Variants in LTBP1 observed in about 807,000 individuals in gnomAD.
The protein encoded by LTBP1 is latent transforming growth factor beta binding protein 1, also known as latent-transforming growth factor beta-binding protein 1.
In LTBP1, 129 loss-of-function variants were observed where a neutral mutation model predicts 207.6. The ratio of observed to expected loss-of-function variants is 0.62; its 90% CI spans 0.54 to 0.72. The LOEUF (loss-of-function observed/expected upper bound fraction) is 0.72, where lower values mean the gene tolerates loss of function less well. Ranked by LOEUF, LTBP1 falls within the 30% of genes least tolerant of loss-of-function variation. The probability of loss-of-function intolerance (pLI) is 0.00; values close to 1 mark genes in which losing one functional copy is unlikely to be tolerated. For synonymous variants in LTBP1, 963 were observed against 833.7 expected (o/e 1.16, Z -2.67); for missense variants, 2,281 against 2,217.2 (o/e 1.03, Z -0.58).
intron 7 of LTBP1, among the ~76,000 whole-genome samples, chr2:33,207,186 T>C (rs2089948213): frequency 6.6e-6 from 1 of 152,208 alleles, no homozygotes; most frequent in South Asian, 2.1e-4. Context: ...ATAAGTTTCA[T>C]GCTTAAGAGG....
intron 31 of LTBP1, among the ~76,000 whole-genome samples, chr2:33,366,443 G>T (rs1391933890): frequency 6.6e-6 from 1 of 152,212 alleles, no homozygotes; most frequent in Admixed American, 6.5e-5. Flanking sequence ...TAGCTTTGCA[G>T]CTTAGAAATA....
At chr2:33,326,713 C>T (rs570516375) in intron 24 of LTBP1, among the ~76,000 whole-genome samples, 37 of 149,560 alleles carry the variant, frequency 2.5e-4, no homozygotes, top group African/African-American at 9.0e-4. Flanking sequence ...GGCTGGAGTG[C>T]AGTGGTGCAA....
At chr2:33,199,205 G>A (rs1414144582) in intron 7 of LTBP1, among the ~76,000 whole-genome samples, 16 of 152,076 alleles carry the variant, frequency 1.1e-4, no homozygotes, top group Non-Finnish European at 1.9e-4. Flanking sequence ...GTAGTTGAAC[G>A]GTTTTGAGTG....
intron 32 of LTBP1, among the ~76,000 whole-genome samples, chr2:33,392,679 G>A (rs898331641): frequency 4.6e-5 from 7 of 152,356 alleles, no homozygotes; most frequent in Admixed American, 2.6e-4. Context: ...GAGTCCTGCA[G>A]AAGTATTTTG....
chr2:33,109,310 G>C (rs1228884305), intron 3 of LTBP1, among the ~76,000 whole-genome samples: 2 of 152,170 alleles, frequency 1.3e-5, no homozygotes, highest in African/African-American at 4.8e-5. Flanking sequence ...TCTTCCCCTT[G>C]TTCAGATAGT....
chr2:32,968,917 ATT>A lies in LTBP1; in HGVS notation c.565+19987_565+19988del, dbSNP rs61065758. Among the ~76,000 whole-genome samples, 33 of 107,298 alleles carry A rather than the reference ATT, an allele frequency of 3.1e-4. 1 individual carries two copies. Among genetic ancestry groups the A allele is most frequent in the East Asian group, 8.3e-4 (3 of 3,614 alleles). 70.4% of individuals were successfully genotyped at this position (107,298 alleles called of 152,430 possible). On this transcript the variant is annotated intron_variant, in intron 2 of 33. Transcript: ENST00000404816. ...TTTTTTCTTTAGTGTGTGTGTGTGTATTTTTTTTTTTTTTTTGAGGCGGTGTC... is the reference window on the plus strand; with the variant it reads ...TTTTTTCTTTAGTGTGTGTGTGTGTATTTTTTTTTTTTTTGAGGCGGTGTC...
chr2:33,112,731 T>A (rs763990412), intron 4 of LTBP1, among the ~76,000 whole-genome samples: 116 of 152,182 alleles, frequency 7.6e-4, no homozygotes, highest in Non-Finnish European at 1.8e-4. Context: ...CCACAAAAGA[T>A]GATTAAAACT....
Position 33,339,480 on chromosome 2 carries a change from G to A in LTBP1, c.3731-3358G>A, listed in dbSNP as rs184240044. Among the ~76,000 whole-genome samples the A allele has an allele frequency of 2.6e-5, 4 of 152,266 alleles. No homozygotes were observed. The East Asian group carries it at 5.8e-4, about 22-fold the overall frequency. ...CCTTTAGCAGTGGCCTGTGTTAAGTGATTTGGTGACGCGATGCAGTTCCTC... is the reference window on the plus strand; with the variant it reads ...CCTTTAGCAGTGGCCTGTGTTAAGTAATTTGGTGACGCGATGCAGTTCCTC... On this transcript the variant is annotated intron_variant, in intron 24 of 33. Transcript: ENST00000404816.
At chr2:32,958,625 A>G (rs1256493418) in intron 2 of LTBP1, among the ~76,000 whole-genome samples, 1 of 152,240 alleles carries the variant, frequency 6.6e-6, no homozygotes, top group Non-Finnish European at 1.5e-5. Flanking sequence ...AATGGAGTTG[A>G]GTCGAAGTAG....
intron 2 of LTBP1, among the ~76,000 whole-genome samples, chr2:32,950,514 G>A (rs1000361727): frequency 5.4e-5 from 8 of 147,634 alleles, no homozygotes; most frequent in East Asian, 4.0e-4. Context: ...AGCCGAGATC[G>A]CTCCACTGCA....
At chr2:33,080,336 A>G (rs892402057) in intron 3 of LTBP1, among the ~76,000 whole-genome samples, 2 of 152,172 alleles carry the variant, frequency 1.3e-5, no homozygotes, top group Non-Finnish European at 2.9e-5. Context: ...CCCAGACCAC[A>G]TGTTTTAAAC....
intron 3 of LTBP1, among the ~76,000 whole-genome samples, chr2:33,064,502 T>C (rs373811344): frequency 6.6e-6 from 1 of 152,176 alleles, no homozygotes; most frequent in Admixed American, 6.5e-5. Context: ...CTAAGCTTCA[T>C]GGGGTAATGC....
At chr2:33,141,645 G>C (rs1243316559) in intron 5 of LTBP1, among the ~76,000 whole-genome samples, 1 of 152,144 alleles carries the variant, frequency 6.6e-6, no homozygotes, top group Non-Finnish European at 1.5e-5. Flanking sequence ...AGAGCTCAGG[G>C]AATGCAGGGC....
chr2:33,025,902 T>C (rs574337940), intron 3 of LTBP1, among the ~76,000 whole-genome samples: 1 of 152,328 alleles, frequency 6.6e-6, no homozygotes, highest in East Asian at 1.9e-4. Flanking sequence ...AAGTTTCTTA[T>C]AGTCCTGAGT....
chr2:33,069,174 G>C (rs1320950022), intron 3 of LTBP1, among the ~76,000 whole-genome samples: 1 of 152,256 alleles, frequency 6.6e-6, no homozygotes, highest in South Asian at 2.1e-4. Context: ...CTGTGTACTT[G>C]TTAGGTATCC....
intron 22 of LTBP1, among the ~76,000 whole-genome samples, chr2:33,306,773 C>G (rs899850318): frequency 5.9e-5 from 9 of 151,866 alleles, no homozygotes; most frequent in African/African-American, 1.9e-4. Flanking sequence ...TCCTACAAAG[C>G]AAAGAAAGAA....
At chr2:33,080,264 G>C (rs980552810) in intron 3 of LTBP1, among the ~76,000 whole-genome samples, 1 of 152,168 alleles carries the variant, frequency 6.6e-6, no homozygotes, top group East Asian at 1.9e-4. Context: ...CTGACCTCAA[G>C]TGATCTGCCT....
At chr2:33,149,083 C>T (rs542998579) in intron 5 of LTBP1, among the ~76,000 whole-genome samples, 1 of 152,118 alleles carries the variant, frequency 6.6e-6, no homozygotes, top group African/African-American at 2.4e-5. Context: ...GGCGTGGTGG[C>T]AGGCGCCTGC....
At chr2:33,354,683 TACACACACACACAC>T (rs71409608) in intron 26 of LTBP1, among the ~76,000 whole-genome samples, 4,432 of 139,756 alleles carry the variant, frequency 0.032, 73 homozygotes, top group South Asian at 0.052. Context: ...ACTAAAACTA[TACACACACACACAC>T]ACACACACAC....
Sources: allele counts gnomAD v4.1 joint callset (sites outside exome capture counted in the v4.1 genomes callset), GRCh38; gene constraint gnomAD v4.1.1; transcripts MANE v1.5; gene names NCBI Gene and HGNC (gene_info 2026-07-23, HGNC 2026-07-21).